The following GATB variants were observed in gnomAD, a reference collection of about 807,000 sequenced individuals.
GATB encodes glutamyl-tRNA(Gln) amidotransferase subunit B, mitochondrial.
In GATB, 39 loss-of-function variants were observed where a neutral mutation model predicts 62.3. That is an observed-to-expected ratio of 0.63 (90% CI 0.48 to 0.82). The LOEUF (loss-of-function observed/expected upper bound fraction) is 0.82, where lower values mean the gene tolerates loss of function less well. Among genes scored for constraint, GATB ranks in the 40% least tolerant of loss-of-function variants. The pLI is 0.00. For synonymous variants in GATB, 276 were observed against 258.9 expected (o/e 1.07, Z -0.63); for missense variants, 670 against 684.0 (o/e 0.98, Z 0.23).
chr4:151,739,522 C>T (rs915809430), intron 2 of GATB, among the ~76,000 whole-genome samples: 9 of 152,172 alleles, frequency 5.9e-5, no homozygotes, highest in South Asian at 2.1e-4. Context: ...CATGTGAAGC[C>T]GCAAACACAC....
chr4:151,760,019 T>C (rs1250264515), intron 1 of GATB, among the ~76,000 whole-genome samples: 2 of 152,236 alleles, frequency 1.3e-5, no homozygotes, highest in Non-Finnish European at 2.9e-5. Flanking sequence ...AAAAATGTAC[T>C]TTCCATTCAC....
At chr4:151,733,744 A>G (rs1234828272) in intron 2 of GATB, among the ~76,000 whole-genome samples, 1 of 152,218 alleles carries the variant, frequency 6.6e-6, no homozygotes, top group East Asian at 1.9e-4. Context: ...AAAAAAGATA[A>G]TCTACCATGA....
At chr4:151,755,487 G>T (rs1338686302) in intron 2 of GATB, among the ~76,000 whole-genome samples, 1 of 152,208 alleles carries the variant, frequency 6.6e-6, no homozygotes, top group Non-Finnish European at 1.5e-5. Context: ...TCCAAGGACA[G>T]ATTCCTAAAA....
At chr4:151,745,087 A>C (rs1452352191) in intron 2 of GATB, among the ~76,000 whole-genome samples, 2 of 152,242 alleles carry the variant, frequency 1.3e-5, no homozygotes, top group African/African-American at 4.8e-5. Flanking sequence ...CAACATAATT[A>C]TAAATCTTTC....
Position 151,705,274 on chromosome 4 carries a change from G to C in GATB, c.878-5C>G, listed in dbSNP as rs1191949149. ...TTTGCCTCTGAATTTCATAGTCTAGGAAAAACACACTAATTTAGCATCATA... is the reference window on the plus strand; with the variant it reads ...TTTGCCTCTGAATTTCATAGTCTAGCAAAAACACACTAATTTAGCATCATA... On this transcript the variant is annotated splice_polypyrimidine_tract_variant and splice_region_variant and intron_variant, in intron 6 of 12. Transcript: ENST00000263985. The C allele has an allele frequency of 6.3e-7, 1 of 1,583,368 alleles. No homozygotes were observed. Among genetic ancestry groups the C allele is most frequent in the Admixed American group, 1.7e-5 (1 of 59,808 alleles).
intron 3 of GATB, among the ~76,000 whole-genome samples, chr4:151,717,944 A>G (rs542472128): frequency 6.6e-6 from 1 of 152,320 alleles, no homozygotes; most frequent in Non-Finnish European, 1.5e-5. Flanking sequence ...CCTTGCCCAC[A>G]GCCACATACA....
chr4:151,754,360 T>C (rs1739780096), intron 2 of GATB, among the ~76,000 whole-genome samples: 1 of 152,366 alleles, frequency 6.6e-6, no homozygotes, highest in East Asian at 1.9e-4. Context: ...CTTATATCTG[T>C]GTTGAATACT....
Position 151,758,790 on chromosome 4 carries a change from AG to A in GATB, c.308del (p.Ser103PhefsTer14). 6.2e-7 allele frequency: 1 copy of A among 1,602,062 alleles called. No individual in the cohort carries two copies. Among genetic ancestry groups the A allele is most frequent in the Non-Finnish European group, 8.5e-7 (1 of 1,174,280 alleles). The stretch of plus-strand genomic sequence containing the variant: ...ATCTTACCGGCAAAGTTCCAGGTAG[AG>A]ATGCATCAAAAAAAGAAACCAAAGA... ...PNSLVSFFDA[S>X]LPGTLPVLNR... On this transcript the variant is annotated frameshift_variant, in exon 2 of 13. Transcript: ENST00000263985. LOFTEE classifies it high-confidence loss of function.
chr4:151,715,726 C>T (rs1404748233), intron 5 of GATB, among the ~76,000 whole-genome samples: 2 of 152,176 alleles, frequency 1.3e-5, no homozygotes, highest in Non-Finnish European at 2.9e-5. Context: ...CTGAGAAAGA[C>T]TGAACTGTTC....
intron 4 of GATB, 103 bp from the exon 5 acceptor site, chr4:151,716,234 TCA>T: frequency 8.0e-7 from 1 of 1,248,480 alleles, no homozygotes; most frequent in Non-Finnish European, 1.1e-6. Flanking sequence ...TGAAGGACTC[TCA>T]GAGTGGTTCT....
intron 9 of GATB, among the ~76,000 whole-genome samples, chr4:151,694,421 GA>G (rs1266678922): frequency 6.6e-6 from 1 of 152,196 alleles, no homozygotes; most frequent in African/African-American, 2.4e-5. Flanking sequence ...GCATCCAAAA[GA>G]AATGAACTGC....
chr4:151,730,998 C>T lies in GATB; in HGVS notation c.328-11460G>A, dbSNP rs920013836. On this transcript the variant is annotated intron_variant, in intron 2 of 12. Coordinates refer to ENST00000263985, the MANE Select transcript of GATB (RefSeq NM_004564.3). This position sits in a 1 kb window ranked among gnomAD's most constrained non-coding sequence, Gnocchi z 4.1. ...TAATCAGGGAGGGACCAGAGAAAGG[C>T]GAAGCCCAATGCAAGGAAATCCAAA... Among the ~76,000 whole-genome samples the T allele has an allele frequency of 2.0e-5, 3 of 152,158 alleles. No individual in the cohort carries two copies. The highest frequency in any genetic ancestry group is 4.8e-5 in the African/African-American group (2 of 41,442).
chr4:151,720,556 G>A (rs1739007722), intron 2 of GATB: 1 of 152,146 alleles, frequency 6.6e-6, no homozygotes, highest in African/African-American at 2.4e-5. Context: ...TATTTATGAT[G>A]TTCTTTAGTA....
At position 151,740,073 on chromosome 4, in the gene GATB, C is replaced by G. The variant is rs74359556; in HGVS notation, c.327+18699G>C. Among the ~76,000 whole-genome samples the G allele has an allele frequency of 4.2e-3, 636 of 152,340 alleles. 7 individuals carry two copies. The highest frequency in any genetic ancestry group is 0.014 in the African/African-American group (602 of 41,586). On this transcript the variant is annotated intron_variant, in intron 2 of 12. Transcript: ENST00000263985. ...TGGCTAAACATCACGTTGCATTTTT[C>G]AATCAAGCTATTATCTGTAATAAAG...
At chr4:151,755,261 C>A (rs1451764091) in intron 2 of GATB, among the ~76,000 whole-genome samples, 2 of 152,132 alleles carry the variant, frequency 1.3e-5, no homozygotes, top group African/African-American at 4.8e-5. Flanking sequence ...CTATTCATCT[C>A]ACTAGAATTT....
chr4:151,742,174 TG>T (rs1413915449), intron 2 of GATB, among the ~76,000 whole-genome samples: 1 of 150,880 alleles, frequency 6.6e-6, no homozygotes, highest in Non-Finnish European at 1.5e-5. Context: ...CTGCAAGCTC[TG>T]CATCCCCGGT....
At chr4:151,759,819 C>T (rs1739914659) in intron 1 of GATB, among the ~76,000 whole-genome samples, 1 of 151,708 alleles carries the variant, frequency 6.6e-6, no homozygotes, top group Non-Finnish European at 1.5e-5. Flanking sequence ...TATTTTACAT[C>T]GTTTTGTTTT....
At chr4:151,752,516 T>C (rs1052534500) in intron 2 of GATB, among the ~76,000 whole-genome samples, 1 of 152,204 alleles carries the variant, frequency 6.6e-6, no homozygotes, top group Non-Finnish European at 1.5e-5. Flanking sequence ...TTTTGATCTC[T>C]GGAAGATTTT....
At chr4:151,745,457 G>C (rs1739575736) in intron 2 of GATB, among the ~76,000 whole-genome samples, 1 of 152,232 alleles carries the variant, frequency 6.6e-6, no homozygotes, top group South Asian at 2.1e-4. Context: ...GAATGCTGCA[G>C]ATTTACCTAG....
Sources: allele counts gnomAD v4.1 joint callset (sites outside exome capture counted in the v4.1 genomes callset), GRCh38; gene constraint gnomAD v4.1.1; non-coding constraint Gnocchi (gnomAD v3.1); transcripts MANE v1.5; gene names NCBI Gene and HGNC (gene_info 2026-07-23, HGNC 2026-07-21).